The following NXPE2 variants were observed in gnomAD, a reference collection of about 807,000 sequenced individuals.
NXPE2 encodes neurexophilin and PC-esterase domain family member 2.
A neutral mutation model predicts 34.4 loss-of-function variants in NXPE2; 34 were observed. The observed-to-expected ratio is 0.99, with a 90% CI of 0.75 to 1.31. NXPE2 has a LOEUF of 1.31. Ranked by LOEUF, NXPE2 falls within the 40% of genes most tolerant of loss-of-function variation. The probability of loss-of-function intolerance (pLI) is 0.00; values close to 1 mark genes in which losing one functional copy is unlikely to be tolerated. For missense variants in NXPE2, 649 were observed against 672.5 expected (o/e 0.97, Z 0.39); for synonymous variants, 235 against 231.3 (o/e 1.02, Z -0.15).
chr11:114,777,014 A>G, the NXPE2 span, among the ~76,000 whole-genome samples: 1 of 152,260 alleles, frequency 6.6e-6, no homozygotes, highest in Non-Finnish European at 1.5e-5. Flanking sequence ...CTAAACAATA[A>G]TTATGTACGA....
At chr11:114,583,428 C>A in the NXPE2 span, 1 of 664,276 alleles carries the variant, frequency 1.5e-6, no homozygotes, top group Non-Finnish European at 2.8e-6. Flanking sequence ...CCTCACAAAG[C>A]CAATGCTGAG....
the NXPE2 span, among the ~76,000 whole-genome samples, chr11:114,486,361 A>G: frequency 1.3e-5 from 2 of 152,260 alleles, no homozygotes; most frequent in Middle Eastern, 3.4e-3. Flanking sequence ...ATATTTTCCT[A>G]TAGAGACATT....
chr11:114,652,674 T>C, the NXPE2 span, among the ~76,000 whole-genome samples: 1 of 152,132 alleles, frequency 6.6e-6, no homozygotes, highest in African/African-American at 2.4e-5. Flanking sequence ...TAAGAAGAGG[T>C]AATTGAAGCA....
chr11:114,552,576 T>C, the NXPE2 span, among the ~76,000 whole-genome samples: 1 of 151,754 alleles, frequency 6.6e-6, no homozygotes, highest in Admixed American at 6.6e-5. Flanking sequence ...GCATGTTCAA[T>C]AGGACAAAGA....
the NXPE2 span, chr11:114,522,759 C>G: frequency 1.4e-6 from 1 of 728,272 alleles, no homozygotes; most frequent in Non-Finnish European, 2.3e-6. Context: ...TGTAAAGGTT[C>G]AAATCCAGAG....
At chr11:114,764,042 C>A in the NXPE2 span, among the ~76,000 whole-genome samples, 1 of 152,144 alleles carries the variant, frequency 6.6e-6, no homozygotes, top group Non-Finnish European at 1.5e-5. Flanking sequence ...TCCCTGCTCT[C>A]CAAGCAAGTA....
the NXPE2 span, among the ~76,000 whole-genome samples, chr11:114,656,606 A>G: frequency 2.6e-5 from 4 of 152,122 alleles, no homozygotes; most frequent in African/African-American, 9.6e-5. Context: ...AATATACTTA[A>G]TACAGTACTG....
chr11:114,663,167 T>C, the NXPE2 span, among the ~76,000 whole-genome samples: 2 of 152,114 alleles, frequency 1.3e-5, no homozygotes, highest in Non-Finnish European at 2.9e-5. Flanking sequence ...CTGGCAGTAC[T>C]CCCTGTGGGC....
the NXPE2 span, among the ~76,000 whole-genome samples, chr11:114,477,863 T>G: frequency 6.6e-6 from 1 of 151,810 alleles, no homozygotes; most frequent in Non-Finnish European, 1.5e-5. Flanking sequence ...TCTTAGAGCA[T>G]GGTAAGTTGG....
the NXPE2 span, among the ~76,000 whole-genome samples, chr11:114,647,830 T>A: frequency 1.1e-4 from 17 of 152,010 alleles, no homozygotes; most frequent in Non-Finnish European, 2.2e-4. Flanking sequence ...GCCTTCTAAG[T>A]AGCTAAGATT....
the NXPE2 span, among the ~76,000 whole-genome samples, chr11:114,781,952 G>A: frequency 6.6e-6 from 1 of 152,178 alleles, no homozygotes; most frequent in Admixed American, 6.5e-5. Context: ...GAACTGAACA[G>A]TAGAAATGAC....
chr11:114,530,722 TG>T, the NXPE2 span: 4 of 1,614,014 alleles, frequency 2.5e-6, no homozygotes, highest in African/African-American at 5.3e-5. Context: ...GTGGCACTGG[TG>T]GTGGTGTTCA....
the NXPE2 span, among the ~76,000 whole-genome samples, chr11:114,609,820 A>T: frequency 1.3e-5 from 2 of 148,234 alleles, no homozygotes; most frequent in Admixed American, 1.4e-4. Context: ...TGCCTGGTGG[A>T]TTACCATGGT....
At chr11:114,683,294 C>T (rs900083509) in intron 2 of NXPE2, among the ~76,000 whole-genome samples, 13 of 152,022 alleles carry the variant, frequency 8.6e-5, no homozygotes, top group Non-Finnish European at 1.6e-4. Context: ...CCATACAATT[C>T]TTTCTTGTTT....
At chr11:114,623,802 C>G in the NXPE2 span, among the ~76,000 whole-genome samples, 15 of 150,752 alleles carry the variant, frequency 1.0e-4, no homozygotes, top group Admixed American at 6.6e-4. Context: ...CTATGGATAA[C>G]AAGAATTGCC....
the NXPE2 span, among the ~76,000 whole-genome samples, chr11:114,742,986 T>C: frequency 6.6e-6 from 1 of 152,120 alleles, no homozygotes; most frequent in Non-Finnish European, 1.5e-5. Flanking sequence ...TTTGCTGCTT[T>C]TATTTGGGGC....
the NXPE2 span, among the ~76,000 whole-genome samples, chr11:114,759,472 A>G: frequency 6.6e-6 from 1 of 152,248 alleles, no homozygotes; most frequent in Non-Finnish European, 1.5e-5. Flanking sequence ...AAGATTTATT[A>G]CATCCTTTTA....
chr11:114,566,183 G>A, the NXPE2 span, among the ~76,000 whole-genome samples: 1 of 152,086 alleles, frequency 6.6e-6, no homozygotes, highest in African/African-American at 2.4e-5. Flanking sequence ...AGAAATCAGA[G>A]CTGGAGACAA....
At chr11:114,710,107 CAG>C (rs1253788173), downstream of NXPE2, among the ~76,000 whole-genome samples, 4 of 151,806 alleles carry the variant, frequency 2.6e-5, no homozygotes, top group Non-Finnish European at 5.9e-5. Context: ...GTGGCAATAA[CAG>C]GGAAGTTCAT....
Sources: gnomAD v4.1 joint callset for allele counts (sites outside exome capture counted in the v4.1 genomes callset) on GRCh38, gnomAD v4.1.1 for gene constraint, MANE v1.5 for transcripts, NCBI Gene and HGNC (gene_info 2026-07-23, HGNC 2026-07-21) for gene names.